The following PAK5 variants were observed in gnomAD, a reference collection of about 807,000 sequenced individuals.
The protein encoded by PAK5 is p21 (RAC1) activated kinase 5.
A neutral mutation model predicts 65.9 loss-of-function variants in PAK5; 16 were observed. The observed-to-expected ratio is 0.24, with a 90% CI of 0.16 to 0.37. PAK5 has a LOEUF of 0.37. Ranked by LOEUF, PAK5 falls within the 10% of genes least tolerant of loss-of-function variation. PAK5 has a pLI of 1.00. For synonymous variants in PAK5, 371 were observed against 354.9 expected (o/e 1.05, Z -0.51); for missense variants, 785 against 903.9 (o/e 0.87, Z 1.69).
chr20:9,594,025 A>T (rs1021165923), intron 3 of PAK5, among the ~76,000 whole-genome samples: 1 of 152,226 alleles, frequency 6.6e-6, no homozygotes, highest in Non-Finnish European at 1.5e-5. Flanking sequence ...CCAGCCATGC[A>T]CATTGGAATC....
At chr20:9,606,861 G>A (rs2046464381) in intron 3 of PAK5, among the ~76,000 whole-genome samples, 1 of 152,006 alleles carries the variant, frequency 6.6e-6, no homozygotes, top group Non-Finnish European at 1.5e-5. Context: ...GAGAGTATAG[G>A]CCTTGGTTTT....
At position 9,580,805 on chromosome 20, in the gene PAK5, C is replaced by T; in HGVS notation, c.330G>A (p.Gln110=). The T allele has an allele frequency of 6.2e-7, 1 of 1,614,004 alleles. No individual in the cohort carries two copies. The highest frequency in any genetic ancestry group is 8.5e-7 in the Non-Finnish European group (1 of 1,179,980). ...GGCCTGGACCGTGGCTGGAGGCTCC[C>T]TGATCTGGGGTGGGTGGGCTTTCTT... ...LRKESPPTPD[Q]GASSHGPGHA... The change falls in exon 4 of 10, where the codon CAG becomes CAA. Residue 110 remains glutamine (Q), a synonymous_variant. Transcript: ENST00000353224.
At chr20:9,630,463 C>A (rs1377525823) in intron 3 of PAK5, among the ~76,000 whole-genome samples, 2 of 152,190 alleles carry the variant, frequency 1.3e-5, no homozygotes, top group African/African-American at 4.8e-5. Context: ...GAAGGCTTAT[C>A]TTTAAAATAT....
chr20:9,630,515 T>C (rs923082794), intron 3 of PAK5, among the ~76,000 whole-genome samples: 2 of 152,180 alleles, frequency 1.3e-5, no homozygotes, highest in African/African-American at 4.8e-5. Context: ...CTGCAGTGAA[T>C]CCACACAAAC....
At chr20:9,676,286 G>C (rs2047570970) in intron 2 of PAK5, among the ~76,000 whole-genome samples, 1 of 151,340 alleles carries the variant, frequency 6.6e-6, no homozygotes, top group Admixed American at 6.6e-5. Flanking sequence ...TTTGGGTGAG[G>C]ACACAGCCAA....
intron 3 of PAK5, among the ~76,000 whole-genome samples, chr20:9,590,520 C>T (rs2046150162): frequency 6.6e-6 from 1 of 151,900 alleles, no homozygotes; most frequent in South Asian, 2.1e-4. Flanking sequence ...TACTTACTCT[C>T]AGGCCCTTCA....
chr20:9,792,019 A>T (rs1319865547), intron 1 of PAK5, among the ~76,000 whole-genome samples: 1 of 152,146 alleles, frequency 6.6e-6, no homozygotes, highest in Non-Finnish European at 1.5e-5. Flanking sequence ...AATTTCTGCC[A>T]TATCATTGTT....
chr20:9,550,261 G>A (rs930308823), intron 7 of PAK5, among the ~76,000 whole-genome samples: 2 of 152,118 alleles, frequency 1.3e-5, no homozygotes, highest in Non-Finnish European at 2.9e-5. Context: ...CTTTTCACCC[G>A]TGAGTGAAGA....
At chr20:9,817,258 C>T (rs758333250) in intron 1 of PAK5, among the ~76,000 whole-genome samples, 13 of 152,246 alleles carry the variant, frequency 8.5e-5, no homozygotes, top group East Asian at 5.8e-4. Flanking sequence ...ATTTTAAATA[C>T]GTATAATTTT....
intron 2 of PAK5, among the ~76,000 whole-genome samples, chr20:9,697,408 T>C (rs2047883361): frequency 6.6e-6 from 1 of 152,010 alleles, no homozygotes; most frequent in Non-Finnish European, 1.5e-5. Flanking sequence ...GCCCCAAATA[T>C]CTCCAAATAT....
intron 7 of PAK5, among the ~76,000 whole-genome samples, chr20:9,546,869 A>G (rs184739627): frequency 3.9e-5 from 6 of 152,346 alleles, no homozygotes; most frequent in Non-Finnish European, 8.8e-5. Flanking sequence ...TAATATAGAT[A>G]GAAGAAATCC....
chr20:9,832,889 C>A (rs1416184688), intron 1 of PAK5, among the ~76,000 whole-genome samples: 1 of 152,128 alleles, frequency 6.6e-6, no homozygotes, highest in Non-Finnish European at 1.5e-5. Context: ...TGCAAGAGTT[C>A]CTCAGGGCTA....
intron 1 of PAK5, among the ~76,000 whole-genome samples, chr20:9,743,840 T>G (rs1214022896): frequency 6.6e-6 from 1 of 152,196 alleles, no homozygotes; most frequent in Non-Finnish European, 1.5e-5. Flanking sequence ...CTGGAACGCA[T>G]AAGTTTTACC....
intron 2 of PAK5, among the ~76,000 whole-genome samples, chr20:9,670,027 T>A (rs969004366): frequency 2.0e-5 from 3 of 152,018 alleles, no homozygotes. Flanking sequence ...CGGTGTGTGG[T>A]TTTTTGTCCT....
At chr20:9,770,655 A>T (rs2048822600) in intron 1 of PAK5, among the ~76,000 whole-genome samples, 1 of 152,168 alleles carries the variant, frequency 6.6e-6, no homozygotes, top group South Asian at 2.1e-4. Flanking sequence ...TAGAAAATGC[A>T]AGACAGTAAT....
intron 3 of PAK5, among the ~76,000 whole-genome samples, chr20:9,629,830 G>C (rs934511070): frequency 6.6e-6 from 1 of 152,166 alleles, no homozygotes; most frequent in Admixed American, 6.5e-5. Flanking sequence ...GTGAAGGCTG[G>C]GGGAATTTTG....
intron 1 of PAK5, among the ~76,000 whole-genome samples, chr20:9,837,345 C>T (rs368526344): frequency 6.6e-6 from 1 of 152,210 alleles, no homozygotes; most frequent in African/African-American, 2.4e-5. Context: ...GACTCATTCT[C>T]GCCACCTAAC....
In PAK5 at chr20:9,580,159, T is replaced by C. The variant is rs899248640; in HGVS notation, c.976A>G (p.Met326Val). The change falls in exon 4 of 10, where the codon ATG becomes GTG. Residue 326 changes from methionine to valine, a missense_variant. Coordinates refer to ENST00000353224, the MANE Select transcript of PAK5 (RefSeq NM_177990.4). ...GCAAACGTTACCTTTGGAATGCACA[T>C]TGTGGGCTCGGACAAGCGAGGGTAG... Reference protein sequence around the residue: ...YTYPRLSEPTMCIPKVDYDRA... With the variant: ...YTYPRLSEPTVCIPKVDYDRA... The C allele has an allele frequency of 2.5e-6, 4 of 1,610,938 alleles. No individual in the cohort carries two copies. Among genetic ancestry groups the C allele is most frequent in the African/African-American group, 2.7e-5 (2 of 74,854 alleles).
At chr20:9,771,946 G>C (rs1569081950) in intron 1 of PAK5, among the ~76,000 whole-genome samples, 2 of 152,136 alleles carry the variant, frequency 1.3e-5, no homozygotes, top group Non-Finnish European at 2.9e-5. Context: ...GCTGAGGTGG[G>C]AGGATTACTT....
Sources: gnomAD v4.1 joint callset for allele counts (sites outside exome capture counted in the v4.1 genomes callset) on GRCh38, gnomAD v4.1.1 for gene constraint, MANE v1.5 for transcripts, NCBI Gene and HGNC (gene_info 2026-07-23, HGNC 2026-07-21) for gene names.